The following GALK2 variants were observed in gnomAD, a reference collection of about 807,000 sequenced individuals.
GALK2 encodes galactokinase 2, also known as N-acetylgalactosamine kinase.
In GALK2, 36 loss-of-function variants were observed where a neutral mutation model predicts 52.4. The observed-to-expected ratio is 0.69, with a 90% CI of 0.53 to 0.91. The LOEUF is 0.91. Among genes scored for constraint, GALK2 ranks in the 40% least tolerant of loss-of-function variants. GALK2 has a pLI of 0.00. For missense variants in GALK2, 579 were observed against 559.1 expected (o/e 1.04, Z -0.36); for synonymous variants, 176 against 199.1 (o/e 0.88, Z 0.98).
In GALK2 at chr15:49,283,700, G is replaced by A. The variant is rs376077359; in HGVS notation, c.738G>A (p.Glu246=). The change falls in exon 7 of 10, where the codon GAG becomes GAA. Residue 246 remains glutamate, a synonymous_variant. Transcript: ENST00000560031. ...ATSHFNIRVM[E]CRLAAKLLAK... ...CCCATTTCAATATCAGGGTGATGGA[G>A]TGTCGGCTGGCTGCGAAGGTATGAA... is the stretch of plus-strand genomic sequence containing the variant. 5 of 1,613,888 alleles carry A rather than the reference G, an allele frequency of 3.1e-6. No individual in the cohort carries two copies. In the African/African-American group the frequency reaches 4.0e-5, roughly 13 times the overall value.
upstream of GALK2, chr15:49,168,996 A>G (rs2084918805): frequency 1.3e-5 from 2 of 153,714 alleles, no homozygotes; most frequent in Non-Finnish European, 2.9e-5. Context: ...TGTTTCTTTG[A>G]TGTATCATTT....
Position 49,366,797 on chromosome 15 carries a change from T to TCGCCGCTGCTGCAGGGGC in GALK2, c.427-689_427-672dup, listed in dbSNP as rs2045291235. ...CGGGGGCGGCCGGGCTAGGCTGGGA[T>TCGCCGCTGCTGCAGGGGC]CGCCGCTGCTGCAGGGGCCGCCACT... On this transcript the variant is annotated intron_variant, in intron 3 of 3. Transcript: ENST00000558399. 1.0e-5 allele frequency: 6 copies of TCGCCGCTGCTGCAGGGGC among 573,364 alleles called. No homozygotes were observed. In the East Asian group the frequency reaches 1.3e-4, roughly 12 times the overall value. The allele number at this position is 573,364 out of a possible 1,614,324, so 35.5% of individuals were successfully genotyped here.
chr15:49,347,748 G>A (rs2041709563), intron 3 of GALK2, among the ~76,000 whole-genome samples: 1 of 152,144 alleles, frequency 6.6e-6, no homozygotes. Flanking sequence ...GCCAGGCATG[G>A]TGGCTCACGC....
intron 9 of GALK2, among the ~76,000 whole-genome samples, chr15:49,320,437 A>T (rs1191669763): frequency 6.6e-6 from 1 of 152,232 alleles, no homozygotes; most frequent in Admixed American, 6.5e-5. Context: ...GCTTTCCTAA[A>T]ATTGTGAAAG....
intron 5 of GALK2, among the ~76,000 whole-genome samples, chr15:49,255,984 G>A (rs1377868165): frequency 6.6e-6 from 1 of 152,066 alleles, no homozygotes; most frequent in Non-Finnish European, 1.5e-5. Flanking sequence ...AACTGTTTGA[G>A]ATGTCTAACA....
At chr15:49,192,065 T>C (rs1291561334) in intron 1 of GALK2, among the ~76,000 whole-genome samples, 1 of 152,160 alleles carries the variant, frequency 6.6e-6, no homozygotes, top group African/African-American at 2.4e-5. Flanking sequence ...CAGGTGGGTT[T>C]CTGTGTCATT....
intron 1 of GALK2, among the ~76,000 whole-genome samples, chr15:49,196,401 A>G (rs2087238591): frequency 6.6e-6 from 1 of 152,156 alleles, no homozygotes; most frequent in Non-Finnish European, 1.5e-5. Flanking sequence ...AAAGACACTT[A>G]AGAAATTTGC....
intron 5 of GALK2, among the ~76,000 whole-genome samples, chr15:49,258,333 G>C (rs146342717): frequency 2.2e-3 from 333 of 152,062 alleles, no homozygotes; most frequent in African/African-American, 7.4e-3. Flanking sequence ...AGAGTGGCAG[G>C]GGGTATTAGT....
At chr15:49,340,403 G>GCCCCCCCCCCCCCCCCCCCCCCCC (rs373386438) in intron 3 of GALK2, among the ~76,000 whole-genome samples, 1 of 94,380 alleles carries the variant, frequency 1.1e-5, no homozygotes, top group Non-Finnish European at 2.2e-5. Flanking sequence ...GCAGTGCCCC[G>GCCCCCCCCCCCCCCCCCCCCCCCC]CCCCCCCCCT....
chr15:49,218,378 T>C (rs984803480), intron 3 of GALK2, among the ~76,000 whole-genome samples: 2 of 152,356 alleles, frequency 1.3e-5, no homozygotes, highest in Middle Eastern at 6.8e-3. Flanking sequence ...TTTGTCATCT[T>C]GATTTAGTAA....
At chr15:49,347,539 A>G (rs1450905448) in intron 3 of GALK2, among the ~76,000 whole-genome samples, 2 of 152,162 alleles carry the variant, frequency 1.3e-5, no homozygotes, top group Non-Finnish European at 2.9e-5. Flanking sequence ...TATTTGGTAA[A>G]ACAAACAGTA....
intron 9 of GALK2, among the ~76,000 whole-genome samples, chr15:49,322,926 C>G (rs1165656159): frequency 1.3e-4 from 19 of 144,864 alleles, no homozygotes; most frequent in Admixed American, 7.1e-5. Flanking sequence ...CACTGCCCTC[C>G]AGCCTGTGGG....
At chr15:49,355,962 A>G (rs928114994) in intron 3 of GALK2, among the ~76,000 whole-genome samples, 10 of 151,674 alleles carry the variant, frequency 6.6e-5, no homozygotes, top group African/African-American at 2.4e-4. Flanking sequence ...AAGAATTTTC[A>G]ACCCAGAATT....
chr15:49,223,815 G>A (rs2089971780), intron 3 of GALK2, among the ~76,000 whole-genome samples: 1 of 151,692 alleles, frequency 6.6e-6, no homozygotes, highest in South Asian at 2.1e-4. Flanking sequence ...TTGATTCCAT[G>A]TGTTTGCTAT....
At chr15:49,262,445 G>C (rs1258767799) in intron 5 of GALK2, among the ~76,000 whole-genome samples, 1 of 152,042 alleles carries the variant, frequency 6.6e-6, no homozygotes, top group African/African-American at 2.4e-5. Context: ...TGCGTCTATT[G>C]ATTCTTCTCT....
At chr15:49,269,472 T>C (rs1384185835) in intron 5 of GALK2, among the ~76,000 whole-genome samples, 1 of 152,208 alleles carries the variant, frequency 6.6e-6, no homozygotes, top group East Asian at 1.9e-4. Context: ...CTCTACTGTT[T>C]CATGAAGTTT....
intron 9 of GALK2, among the ~76,000 whole-genome samples, chr15:49,322,880 C>T (rs1315642790): frequency 6.6e-6 from 1 of 151,204 alleles, no homozygotes; most frequent in Non-Finnish European, 1.5e-5. Flanking sequence ...TGGCGTGAAC[C>T]CGGGAGGCAG....
At chr15:49,203,795 A>G (rs994603931) in intron 2 of GALK2, among the ~76,000 whole-genome samples, 5 of 152,146 alleles carry the variant, frequency 3.3e-5, no homozygotes, top group African/African-American at 1.2e-4. Flanking sequence ...CCTTTTCCCT[A>G]TGAATGAAAG....
chr15:49,244,597 A>T (rs1347797612), intron 5 of GALK2, among the ~76,000 whole-genome samples: 1 of 152,206 alleles, frequency 6.6e-6, no homozygotes, highest in African/African-American at 2.4e-5. Context: ...CATTTTCAAC[A>T]TGTAAAGTGT....
Sources: gnomAD v4.1 joint callset for allele counts (sites outside exome capture counted in the v4.1 genomes callset) on GRCh38, gnomAD v4.1.1 for gene constraint, MANE v1.5 for transcripts, NCBI Gene and HGNC (gene_info 2026-07-23, HGNC 2026-07-21) for gene names.